TMEM130: variants seen among roughly 807,000 people sequenced by gnomAD.
The protein encoded by TMEM130 is transmembrane protein 130.
A neutral mutation model predicts 42.9 loss-of-function variants in TMEM130; 37 were observed. The observed-to-expected ratio is 0.86, with a 90% CI of 0.66 to 1.13. TMEM130 has a LOEUF of 1.13. Among genes scored for constraint, TMEM130 ranks in the 50% most tolerant of loss-of-function variants. The pLI, the probability that TMEM130 is intolerant of heterozygous loss-of-function variation, is 0.00. For synonymous variants in TMEM130, 259 were observed against 237.7 expected, an observed-to-expected ratio of 1.09 and a Z score of -0.82; for missense variants, 545 against 562.6, an observed-to-expected ratio of 0.97 and a Z score of 0.32.
chr7:98,855,672 T>C (rs1048711319), intron 4 of TMEM130, among the ~76,000 whole-genome samples: 3 of 151,992 alleles, frequency 2.0e-5, no homozygotes, highest in Admixed American at 6.6e-5. Flanking sequence ...CAGGGAGAGA[T>C]AGAGACCCTC....
Position 98,859,510 on chromosome 7 carries a change from G to A in TMEM130, c.551+669C>T, listed in dbSNP as rs549707023. On this transcript the variant is annotated intron_variant, in intron 3 of 7. Coordinates refer to ENST00000339375, the MANE Select transcript of TMEM130 (RefSeq NM_152913.3). The stretch of plus-strand genomic sequence containing the variant: ...AGTGGCTGATTCACCAGTGTTCTCC[G>A]GGACCCCCAGTCGTGGCAGAGAGGA... Among the ~76,000 whole-genome samples, 6 of 152,136 alleles carry A rather than the reference G, an allele frequency of 3.9e-5. No homozygotes were observed. The South Asian group carries it at 6.2e-4, about 16-fold the overall frequency.
At chr7:98,862,312 C>CAGAG (rs1472610299) in intron 2 of TMEM130, among the ~76,000 whole-genome samples, 1 of 149,750 alleles carries the variant, frequency 6.7e-6, no homozygotes, top group African/African-American at 2.5e-5. Context: ...GACAAAGAGA[C>CAGAG]AGAGAACAGA....
In TMEM130 at chr7:98,846,913, T is replaced by C. The variant is rs1252448968; in HGVS notation, c.*1143A>G. ...CTCTGTCACTCAGGCTGGAGTGCAG[T>C]GGCGCCATCTGGGCTCACTGCAAGC... On this transcript the variant is annotated 3_prime_UTR_variant, in exon 8 of 8. Coordinates refer to ENST00000339375, the MANE Select transcript of TMEM130 (RefSeq NM_152913.3). 6.6e-6 allele frequency: 1 copy of C among 152,034 alleles called. No individual in the cohort carries two copies. Among genetic ancestry groups the C allele is most frequent in the Admixed American group, 6.6e-5 (1 of 15,240 alleles). The allele number at this position is 152,034 out of a possible 1,614,324, so 9.4% of individuals were successfully genotyped here.
rs1342583388 is a variant in TMEM130, at chr7:98,869,809, A to C, written c.53T>G (p.Leu18Arg). The stretch of plus-strand genomic sequence containing the variant: ...CACCCCTGCCGGGGCCCAGGGCAGG[A>C]GGCAGGCAAGCCAGAGGATGCGGCC... ...RLGRILWLACLLPWAPAGVAA... is the reference protein window; with the variant it reads ...RLGRILWLACRLPWAPAGVAA... The change falls in exon 1 of 8, where the codon CTC becomes CGC. Residue 18 changes from leucine to arginine, a missense_variant. Transcript: ENST00000339375. The surrounding 1 kb of genome is among the most constrained non-coding windows in gnomAD (Gnocchi z 4.7). The C allele has an allele frequency of 9.0e-6, 13 of 1,444,378 alleles. No individual in the cohort carries two copies. In the African/African-American group the frequency reaches 1.9e-4, roughly 21 times the overall value. The allele number at this position is 1,444,378 out of a possible 1,614,324, so 89.5% of individuals were successfully genotyped here. A position where few individuals can be genotyped will look rare whatever the true frequency, so the allele number is the denominator to read the frequency against.
intron 1 of TMEM130, among the ~76,000 whole-genome samples, chr7:98,864,848 C>T (rs534366553): frequency 1.3e-5 from 2 of 152,184 alleles, no homozygotes; most frequent in South Asian, 4.2e-4. Flanking sequence ...TGCAATGAGC[C>T]GACATCGAGC....
intron 1 of TMEM130, among the ~76,000 whole-genome samples, chr7:98,868,135 A>G (rs1217636071): frequency 2.0e-5 from 3 of 152,250 alleles, no homozygotes; most frequent in African/African-American, 4.8e-5. Context: ...AGGCTGAGGC[A>G]GGAGAATTTC....
chr7:98,868,102 G>T (rs547227767), intron 1 of TMEM130, among the ~76,000 whole-genome samples: 1 of 152,168 alleles, frequency 6.6e-6, no homozygotes, highest in South Asian at 2.1e-4. Flanking sequence ...GGTGGCAGGC[G>T]CCTGTAATCC....
chr7:98,868,723 C>A (rs1263823794), intron 1 of TMEM130, among the ~76,000 whole-genome samples: 3 of 152,184 alleles, frequency 2.0e-5, no homozygotes, highest in African/African-American at 7.2e-5. Context: ...GAATGGGAAC[C>A]ACACATGATT....
chr7:98,852,899 G>A (rs1463432319), intron 5 of TMEM130, among the ~76,000 whole-genome samples: 2 of 152,110 alleles, frequency 1.3e-5, no homozygotes, highest in African/African-American at 4.8e-5. Flanking sequence ...CCCTGACCAT[G>A]AGAGCATTCT....
Position 98,847,660 on chromosome 7 carries a change from T to C in TMEM130, c.*396A>G. 6.0e-6 allele frequency: 1 copy of C among 167,572 alleles called. No homozygotes were observed. The allele number at this position is 167,572 out of a possible 1,614,324, so 10.4% of individuals were successfully genotyped here. On this transcript the variant is annotated 3_prime_UTR_variant, in exon 8 of 8. Transcript: ENST00000339375. The stretch of plus-strand genomic sequence containing the variant: ...TAGCTCTCTGGCACAGGTAGGGCTG[T>C]CTGGGGGAGGAAACTGAGAACCCCC...
chr7:98,849,709 G>A (rs543897508), intron 6 of TMEM130, among the ~76,000 whole-genome samples: 12 of 152,288 alleles, frequency 7.9e-5, no homozygotes, highest in Admixed American at 7.8e-4. Context: ...GGGAGCACTG[G>A]GAAGAACTAA....
chr7:98,863,288 G>A lies in TMEM130; in HGVS notation c.198C>T (p.Asp66=), dbSNP rs782787823. 1.3e-5 allele frequency: 21 copies of A among 1,612,842 alleles called. No individual in the cohort carries two copies. Among genetic ancestry groups the A allele is most frequent in the Admixed American group, 6.7e-5 (4 of 59,950 alleles). The change falls in exon 2 of 8, where the codon GAC becomes GAT. Residue 66 remains aspartate (D), a synonymous_variant. Transcript: ENST00000339375. ...KDNGSLALPA[D]AHLYRFHWIH... ...TCCAGTGGAAGCGGTAGAGGTGGGC[G>A]TCAGCGGGCAGGGCCAGGCTGCCGT... is the stretch of plus-strand genomic sequence containing the variant.
chr7:98,869,444 C>T lies in TMEM130; in HGVS notation c.85+333G>A, dbSNP rs1794979698. The T allele has an allele frequency of 1.6e-6, 2 of 1,223,732 alleles. No homozygotes were observed. Among genetic ancestry groups the T allele is most frequent in the Non-Finnish European group, 2.1e-6 (2 of 958,032 alleles). The allele number at this position is 1,223,732 out of a possible 1,614,324, so 75.8% of individuals were successfully genotyped here. ...CGCATCCCCGCCTCCCTGCCTCGTC[C>T]TCCCCTCCCTTAGCGGGTGCATGGT... On this transcript the variant is annotated intron_variant, in intron 1 of 7. Coordinates refer to ENST00000339375, the MANE Select transcript of TMEM130 (RefSeq NM_152913.3). This position sits in a 1 kb window ranked among gnomAD's most constrained non-coding sequence, Gnocchi z 4.7.
intron 5 of TMEM130, among the ~76,000 whole-genome samples, chr7:98,854,016 CT>C (rs1794570694): frequency 6.7e-6 from 1 of 148,648 alleles, no homozygotes; most frequent in African/African-American, 2.5e-5. Flanking sequence ...AACAGATTTG[CT>C]TTTTTTGTTT....
intron 3 of TMEM130, among the ~76,000 whole-genome samples, chr7:98,858,488 G>C (rs977563337): frequency 6.6e-6 from 1 of 152,168 alleles, no homozygotes; most frequent in African/African-American, 2.4e-5. Context: ...GCTGCAGTGA[G>C]TCAGATTTGT....
At chr7:98,851,692 G>A (rs1209846798) in intron 5 of TMEM130, 69 bp from the exon 6 acceptor site, 4 of 1,419,018 alleles carry the variant, frequency 2.8e-6, no homozygotes, top group Non-Finnish European at 3.8e-6. Flanking sequence ...CCAAGTCCAA[G>A]ACAGGCCAGG....
At chr7:98,851,685 A>C in intron 5 of TMEM130, 62 bp from the exon 6 acceptor site, 5 of 1,447,614 alleles carry the variant, frequency 3.5e-6, no homozygotes, top group Non-Finnish European at 4.6e-6. Context: ...GCACAGACCA[A>C]GTCCAAGACA....
At chr7:98,866,981 C>T (rs1215868185) in intron 1 of TMEM130, 1 of 152,066 alleles carries the variant, frequency 6.6e-6, no homozygotes, top group African/African-American at 2.4e-5. Flanking sequence ...CCTGTTGCCC[C>T]AGCTACTTGG....
At chr7:98,863,895 ACT>A (rs1217239468) in intron 1 of TMEM130, among the ~76,000 whole-genome samples, 73 of 101,070 alleles carry the variant, frequency 7.2e-4, no homozygotes, top group African/African-American at 2.5e-3. Context: ...TCTCTCTCTC[ACT>A]CTCTCTCTCT....
Sources: gnomAD v4.1 joint callset for allele counts (sites outside exome capture counted in the v4.1 genomes callset) on GRCh38, gnomAD v4.1.1 for gene constraint, Gnocchi (gnomAD v3.1) non-coding constraint, MANE v1.5 for transcripts, NCBI Gene and HGNC (gene_info 2026-07-23, HGNC 2026-07-21) for gene names.